Variants in OSBPL9 observed in about 807,000 individuals in gnomAD.
The protein encoded by OSBPL9 is oxysterol binding protein like 9.
In OSBPL9, 40 loss-of-function variants were observed where a neutral mutation model predicts 106.6. The observed-to-expected ratio is 0.38, with a 90% confidence interval of 0.29 to 0.49. The LOEUF (loss-of-function observed/expected upper bound fraction) is 0.49. Ranked by LOEUF, OSBPL9 falls within the 20% of genes least tolerant of loss-of-function variation. The pLI, the probability that OSBPL9 is intolerant of heterozygous loss-of-function variation, is 0.97. For missense variants in OSBPL9, 609 were observed against 887.2 expected (o/e 0.69, Z 3.98); for synonymous variants, 269 against 295.4 (o/e 0.91, Z 0.92).
chr1:51,778,441 A>G (rs1198370738), intron 15 of OSBPL9, among the ~76,000 whole-genome samples: 1 of 152,228 alleles, frequency 6.6e-6, no homozygotes, highest in Non-Finnish European at 1.5e-5. Flanking sequence ...ATGGAAAATG[A>G]GATACTATGC....
chr1:51,601,791 G>A (rs1218967712), intron 2 of OSBPL9, among the ~76,000 whole-genome samples: 1 of 152,192 alleles, frequency 6.6e-6, no homozygotes, highest in African/African-American at 2.4e-5. Flanking sequence ...CACCAATTAA[G>A]TACAAGCACT....
rs1678090247 is a variant in OSBPL9 at position 51,787,851 on chromosome 1, A to T, written c.*62A>T. ...CAGTAGGCATAATTCAGCAACAAAC[A>T]ATCTTCCTTTGGGAGAAACCTGTTC... is the stretch of plus-strand genomic sequence containing the variant. On this transcript the variant is annotated 3_prime_UTR_variant, in exon 24 of 24. Coordinates refer to ENST00000428468, the MANE Select transcript of OSBPL9 (RefSeq NM_024586.6). 9 of 1,427,748 alleles carry T rather than the reference A, an allele frequency of 6.3e-6. No individual in the cohort carries two copies. The South Asian group carries it at 1.0e-4, about 16-fold the overall frequency. 88.4% of individuals were successfully genotyped at this position (1,427,748 alleles called of 1,614,324 possible). A position where few individuals can be genotyped will look rare whatever the true frequency, so the allele number is the denominator to read the frequency against.
At chr1:51,683,043 AT>A (rs1217127973) in intron 3 of OSBPL9, among the ~76,000 whole-genome samples, 1 of 151,570 alleles carries the variant, frequency 6.6e-6, no homozygotes, top group Non-Finnish European at 1.5e-5. Context: ...TGCCTGGCTT[AT>A]TTTTGTATTT....
At chr1:51,738,315 C>T (rs79374089) in intron 4 of OSBPL9, among the ~76,000 whole-genome samples, 1,826 of 152,062 alleles carry the variant, frequency 0.012, 38 homozygotes, top group African/African-American at 0.042. Context: ...TAGCTGTACC[C>T]GATTCCTGTA....
upstream of OSBPL9, among the ~76,000 whole-genome samples, chr1:51,616,699 C>CT (rs1311923789): frequency 6.6e-6 from 1 of 152,080 alleles, no homozygotes; most frequent in Non-Finnish European, 1.5e-5. Flanking sequence ...TCCCCAATGT[C>CT]TAGAAGAATG....
At chr1:51,575,224 G>A (rs542391319), upstream of OSBPL9, among the ~76,000 whole-genome samples, 15 of 151,934 alleles carry the variant, frequency 9.9e-5, no homozygotes, top group Non-Finnish European at 1.8e-4. Context: ...TTTTTGAGAC[G>A]GAGTCTTGCT....
chr1:51,594,822 G>C (rs996271281), intron 1 of OSBPL9: 3 of 152,244 alleles, frequency 2.0e-5, no homozygotes, highest in Admixed American at 2.0e-4. Context: ...CAAGGGCGTG[G>C]AGTCTGTTCT....
At chr1:51,560,995 T>C in the OSBPL9 span, 4 of 152,264 alleles carry the variant, frequency 2.6e-5, no homozygotes, top group Admixed American at 2.6e-4. Flanking sequence ...ACGATTGTAA[T>C]CCCAGGCCGA....
At chr1:51,707,781 G>A (rs1658915057) in intron 3 of OSBPL9, 1 of 173,270 alleles carries the variant, frequency 5.8e-6, no homozygotes, top group Admixed American at 6.1e-5. Context: ...AGAAAGGACA[G>A]AGATGAAGAC....
the OSBPL9 span, among the ~76,000 whole-genome samples, chr1:51,540,231 T>A: frequency 5.3e-5 from 8 of 152,212 alleles, no homozygotes; most frequent in South Asian, 2.1e-4. Context: ...ATTTTTTTTT[T>A]AAAGCTGGAC....
At chr1:51,639,816 GTTT>G (rs758174157) in intron 1 of OSBPL9, among the ~76,000 whole-genome samples, 3 of 67,026 alleles carry the variant, frequency 4.5e-5, no homozygotes, top group Non-Finnish European at 8.6e-5. Context: ...ATTCCTAGTT[GTTT>G]TTTTTTTTTT....
intron 21 of OSBPL9, 138 bp downstream of exon 21, chr1:51,786,024 T>C (rs1468207606): frequency 4.1e-6 from 3 of 725,836 alleles, no homozygotes; most frequent in Non-Finnish European, 6.9e-6. Context: ...TTAGGACAGC[T>C]CCAGTGTATG....
chr1:51,677,938 C>CTGAG (rs1651671431), intron 3 of OSBPL9, among the ~76,000 whole-genome samples: 1 of 151,642 alleles, frequency 6.6e-6, no homozygotes, highest in Non-Finnish European at 1.5e-5. Flanking sequence ...CTTTGGGAGG[C>CTGAG]TGAGGTGGGA....
intron 21 of OSBPL9, 181 bp downstream of exon 21, chr1:51,786,067 C>A (rs1677550076): frequency 3.4e-6 from 2 of 591,040 alleles, no homozygotes; most frequent in Non-Finnish European, 5.9e-6. Context: ...TTCTTTCCTT[C>A]CCCCACCTTC....
chr1:51,730,725 T>C (rs2148940883), intron 4 of OSBPL9, among the ~76,000 whole-genome samples: 1 of 152,332 alleles, frequency 6.6e-6, no homozygotes, highest in Non-Finnish European at 1.5e-5. Flanking sequence ...GAGAGATGTA[T>C]TGAACAAGAA....
intron 11 of OSBPL9, among the ~76,000 whole-genome samples, chr1:51,764,971 G>A (rs1280837695): frequency 6.6e-6 from 1 of 152,166 alleles, no homozygotes; most frequent in African/African-American, 2.4e-5. Context: ...ATAAACTTTA[G>A]TCTTCACCAG....
the OSBPL9 span, among the ~76,000 whole-genome samples, chr1:51,537,302 C>G: frequency 1.3e-5 from 2 of 152,192 alleles, no homozygotes; most frequent in East Asian, 3.9e-4. Flanking sequence ...TTTGACATGT[C>G]TTCATCACTT....
chr1:51,535,306 G>T, the OSBPL9 span, among the ~76,000 whole-genome samples: 2 of 152,124 alleles, frequency 1.3e-5, no homozygotes, highest in Non-Finnish European at 2.9e-5. Context: ...GTCACAAAGG[G>T]CCTGAGGTGG....
chr1:51,676,637 C>A (rs577499851), intron 3 of OSBPL9, among the ~76,000 whole-genome samples: 1 of 142,482 alleles, frequency 7.0e-6, no homozygotes. Context: ...CCAGCCTGGC[C>A]GACAGAGCAA....
Sources: gnomAD v4.1 joint callset for allele counts (sites outside exome capture counted in the v4.1 genomes callset) on GRCh38, gnomAD v4.1.1 for gene constraint, MANE v1.5 for transcripts, NCBI Gene and HGNC (gene_info 2026-07-23, HGNC 2026-07-21) for gene names.